Variants in AHDC1 observed in about 807,000 individuals in gnomAD.
The protein encoded by AHDC1 is transcription factor Gibbin.
Under a neutral mutation model 87.9 loss-of-function variants are expected in AHDC1, and 7 were observed. The observed-to-expected ratio is 0.08, with a 90% CI of 0.05 to 0.15. The LOEUF (loss-of-function observed/expected upper bound fraction) is 0.15. Among genes scored for constraint, AHDC1 ranks in the 10% least tolerant of loss-of-function variants. The probability of loss-of-function intolerance (pLI) is 1.00; values close to 1 mark genes in which losing one functional copy is unlikely to be tolerated. For synonymous variants in AHDC1, 1,051 were observed against 1,006.8 expected, an observed-to-expected ratio of 1.04 and a Z score of -0.83; for missense variants, 1,841 against 2,253.2, an observed-to-expected ratio of 0.82 and a Z score of 3.70.
At chr1:27,575,173 CCCGCCG>C (rs568285541) in intron 3 of AHDC1, among the ~76,000 whole-genome samples, 1 of 152,134 alleles carries the variant, frequency 6.6e-6, no homozygotes, top group African/African-American at 2.4e-5. Context: ...TCCGAGTTTT[CCCGCCG>C]CCGCCGCCGC....
intron 3 of AHDC1, among the ~76,000 whole-genome samples, chr1:27,592,880 AGAGAG>A (rs138285748): frequency 0.031 from 4,645 of 152,178 alleles, 228 homozygotes; most frequent in African/African-American, 0.1. Flanking sequence ...GGCCCAGCTC[AGAGAG>A]GCTTGGGCCC....
chr1:27,543,566 C>T (rs1323469482), intron 8 of AHDC1, among the ~76,000 whole-genome samples: 1 of 152,222 alleles, frequency 6.6e-6, no homozygotes, highest in East Asian at 1.9e-4. Flanking sequence ...GTGTGCAAAC[C>T]TTGCCTATTC....
At chr1:27,597,443 C>T (rs935196405) in intron 3 of AHDC1, among the ~76,000 whole-genome samples, 2 of 151,854 alleles carry the variant, frequency 1.3e-5, no homozygotes, top group African/African-American at 4.8e-5. Context: ...TGCGTTTATA[C>T]GAGGGGCATC....
chr1:27,575,365 G>A (rs912444075), intron 3 of AHDC1, among the ~76,000 whole-genome samples: 1 of 152,116 alleles, frequency 6.6e-6, no homozygotes, highest in Non-Finnish European at 1.5e-5. Context: ...CGCAAGCCGG[G>A]AGGGGCGGGA....
intron 5 of AHDC1, among the ~76,000 whole-genome samples, chr1:27,553,704 C>T (rs1008381998): frequency 5.3e-5 from 8 of 152,160 alleles, no homozygotes; most frequent in Non-Finnish European, 8.8e-5. Flanking sequence ...GGATATCTGT[C>T]CTATTCACCA....
rs370786800 is a variant in AHDC1, at chr1:27,538,400, C to CAAAAAAAAAAAAA, written c.*44-3497_*44-3485dup. ...CCTGGGTGACAGAGCAAGACTGTCT[C>CAAAAAAAAAAAAA]AAAAAAAAAAAAAAAAAACCAGAAA... is the stretch of plus-strand genomic sequence containing the variant. On this transcript the variant is annotated intron_variant, in intron 8 of 8. Coordinates refer to ENST00000673934, the MANE Select transcript of AHDC1 (RefSeq NM_001371928.1). Among the ~76,000 whole-genome samples the CAAAAAAAAAAAAA allele has an allele frequency of 5.9e-3, 360 of 60,666 alleles. 16 individuals carry two copies. Among genetic ancestry groups the CAAAAAAAAAAAAA allele is most frequent in the African/African-American group, 0.018 (348 of 19,174 alleles). 39.8% of individuals were successfully genotyped at this position (60,666 alleles called of 152,430 possible).
rs1309806240 is a variant in AHDC1, at chr1:27,550,711, G to A, written c.1405C>T (p.Arg469Trp). The A allele has an allele frequency of 1.2e-6, 2 of 1,606,812 alleles. No homozygotes were observed. The highest frequency in any genetic ancestry group is 1.7e-5 in the Admixed American group (1 of 58,964). ...PVVSTRKGKC[R>W]GVRRMVVKMA... ...TTCACCACCATGCGCCGCACGCCCCGGCACTTGCCTTTGCGGGTAGAGACC... is the reference window on the plus strand; with the variant it reads ...TTCACCACCATGCGCCGCACGCCCCAGCACTTGCCTTTGCGGGTAGAGACC... Residue 469 changes from arginine (R) to tryptophan (W), a missense_variant, in exon 8 of 9, where the codon CGG becomes TGG. Around this residue, in one of 13 missense-constraint regions of AHDC1, gnomAD observed 27 missense variants for 58.6 expected, o/e 0.46. Transcript: ENST00000673934.
Position 27,575,966 on chromosome 1 carries a change from G to T in AHDC1, c.-628-17083C>A, listed in dbSNP as rs370508405. ...CCGGGTCGGGCTCGGGCTCTGCCCC[G>T]GCCCGGGGACTGGAGGCGCCCGGCA... is the stretch of plus-strand genomic sequence containing the variant. On this transcript the variant is annotated intron_variant, in intron 3 of 8. Coordinates refer to ENST00000673934, the MANE Select transcript of AHDC1 (RefSeq NM_001371928.1). Among the ~76,000 whole-genome samples the T allele has an allele frequency of 8.9e-4, 136 of 152,140 alleles. No individual in the cohort carries two copies. In the South Asian group the frequency reaches 0.011, roughly 12 times the overall value.
chr1:27,550,739 T>G lies in AHDC1; in HGVS notation c.1377A>C (p.Pro459=). Reference sequence around the variant, plus strand: ...ACTTGCCTTTGCGGGTAGAGACCACTGGGGTCTGGGAAGATTCCGGCTTCA... The same window carrying G: ...ACTTGCCTTTGCGGGTAGAGACCACGGGGGTCTGGGAAGATTCCGGCTTCA... ...PELKPESSQT[P]VVSTRKGKCR... The change falls in exon 8 of 9, where the codon CCA becomes CCC. Residue 459 remains proline (P), a synonymous_variant. Transcript: ENST00000673934. The G allele has an allele frequency of 6.3e-7, 1 of 1,586,976 alleles. No individual in the cohort carries two copies. The highest frequency in any genetic ancestry group is 1.3e-5 in the African/African-American group (1 of 74,338).
rs1480115188 is a variant in AHDC1, at chr1:27,550,311, G to T, written c.1805C>A (p.Ala602Glu). The change falls in exon 8 of 9, where the codon GCA (alanine) becomes GAA (glutamate). Residue 602 changes from alanine to glutamate, a missense_variant. By Grantham distance (107) the Ala-to-Glu change is moderately radical (BLOSUM62 -1). Around this residue, in one of 13 missense-constraint regions of AHDC1, gnomAD observed 84 missense variants for 111.7 expected, o/e 0.75. Transcript: ENST00000673934. Reference protein sequence around the residue: ...QKLASPQPSYAADANDSKAEY... With the variant: ...QKLASPQPSYEADANDSKAEY... ...GGCCTTGCTGTCGTTGGCGTCTGCT[G>T]CATAGGATGGCTGGGGAGATGCCAG... is the stretch of plus-strand genomic sequence containing the variant. The T allele has an allele frequency of 6.2e-7, 1 of 1,614,114 alleles. No individual in the cohort carries two copies. The highest frequency in any genetic ancestry group is 8.5e-7 in the Non-Finnish European group (1 of 1,179,984).
At position 27,595,815 on chromosome 1, in the gene AHDC1, T is replaced by C. The variant is rs1054955788; in HGVS notation, c.-629+7582A>G. Among the ~76,000 whole-genome samples, 2 of 151,378 alleles carry C rather than the reference T, an allele frequency of 1.3e-5. No individual in the cohort carries two copies. The highest frequency in any genetic ancestry group is 3.2e-3 in the Middle Eastern group (1 of 312). ...CCTGGTGTCAGGGAGGTGTTGCAGG[T>C]TGTGGGTAAGCATGTGGTGGTTGTG... On this transcript the variant is annotated intron_variant, in intron 3 of 8. Transcript: ENST00000673934. The surrounding 1 kb of genome is among the most constrained non-coding windows in gnomAD (Gnocchi z 4.0).
At chr1:27,538,293 C>A (rs2018737051) in intron 8 of AHDC1, among the ~76,000 whole-genome samples, 1 of 150,788 alleles carries the variant, frequency 6.6e-6, no homozygotes, top group South Asian at 2.1e-4. Context: ...ACCCCAGCTA[C>A]TCGGGAGGCC....
Position 27,543,066 on chromosome 1 carries a change from C to T in AHDC1, c.*43+4195G>A, listed in dbSNP as rs565237773. ...GAGCAGCTGCGGCCTGGTCCAGGCC[C>T]GGGCATGCCTGCTGACCCCGGCTGG... On this transcript the variant is annotated intron_variant, in intron 8 of 8. Transcript: ENST00000673934. Among the ~76,000 whole-genome samples the T allele has an allele frequency of 2.1e-4, 32 of 152,334 alleles. 1 individual carries two copies. Among genetic ancestry groups the T allele is most frequent in the African/African-American group, 7.0e-4 (29 of 41,570 alleles).
rs994670370 is a variant in AHDC1, at chr1:27,547,104, C to T, written c.*43+157G>A. ...CTCCTCCTGAGACTGTCCGCAACAG[C>T]GAATCCTGAATCCCTACACCCTGCT... On this transcript the variant is annotated intron_variant, in intron 8 of 8. Coordinates refer to ENST00000673934, the MANE Select transcript of AHDC1 (RefSeq NM_001371928.1). This position sits in a 1 kb window ranked among gnomAD's most constrained non-coding sequence, Gnocchi z 4.9. 6.6e-6 allele frequency among the ~76,000 whole-genome samples: 1 copy of T among 151,898 alleles called. No homozygotes were observed. The highest frequency in any genetic ancestry group is 6.6e-5 in the Admixed American group (1 of 15,260).
chr1:27,562,546 TCTC>T lies in AHDC1; in HGVS notation c.-628-3666_-628-3664del, dbSNP rs1409170785. On this transcript the variant is annotated intron_variant, in intron 3 of 8. Transcript: ENST00000673934. This position sits in a 1 kb window ranked among gnomAD's most constrained non-coding sequence, Gnocchi z 4.4. The stretch of plus-strand genomic sequence containing the variant: ...CACCTGCCCTGGCCCTAAAGGCCCT[TCTC>T]CACACCATCTGAAGAATGCTGGGTC... Among the ~76,000 whole-genome samples the T allele has an allele frequency of 5.3e-5, 8 of 152,092 alleles. No homozygotes were observed. The highest frequency in any genetic ancestry group is 8.8e-5 in the Non-Finnish European group (6 of 68,004).
intron 3 of AHDC1, among the ~76,000 whole-genome samples, chr1:27,575,631 G>A (rs1315521741): frequency 3.3e-5 from 5 of 151,266 alleles, no homozygotes; most frequent in Admixed American, 3.3e-4. Flanking sequence ...GGCTGCCAAG[G>A]CTCCCCGAAG....
At chr1:27,594,998 G>T (rs1360404924) in intron 3 of AHDC1, among the ~76,000 whole-genome samples, 1 of 152,024 alleles carries the variant, frequency 6.6e-6, no homozygotes, top group Admixed American at 6.5e-5. Flanking sequence ...TGTCTGGGAA[G>T]CGGTGGGGCC....
chr1:27,570,995 C>T (rs879716978), intron 3 of AHDC1, among the ~76,000 whole-genome samples: 27 of 152,114 alleles, frequency 1.8e-4, no homozygotes, highest in Non-Finnish European at 2.9e-4. Context: ...TCCCATCCCC[C>T]CAGCCTGGGG....
chr1:27,575,354 G>A (rs1016335101), intron 3 of AHDC1, among the ~76,000 whole-genome samples: 1 of 152,116 alleles, frequency 6.6e-6, no homozygotes, highest in Non-Finnish European at 1.5e-5. Flanking sequence ...CTTCTCCGCC[G>A]CGCAAGCCGG....
Sources: gnomAD v4.1 joint callset for allele counts (sites outside exome capture counted in the v4.1 genomes callset) on GRCh38, gnomAD v4.1.1 for gene constraint, gnomAD v4.1.1 regional missense constraint, Gnocchi (gnomAD v3.1) non-coding constraint, MANE v1.5 for transcripts, NCBI Gene and HGNC (gene_info 2026-07-23, HGNC 2026-07-21) for gene names.